The following TMPRSS15 variants were observed in gnomAD, a reference collection of about 807,000 sequenced individuals.
The protein encoded by TMPRSS15 is transmembrane serine protease 15.
In TMPRSS15, 128 loss-of-function variants were observed where a neutral mutation model predicts 125.3. The observed-to-expected ratio is 1.02, with a 90% CI of 0.89 to 1.18. TMPRSS15 has a LOEUF of 1.18. Among genes scored for constraint, TMPRSS15 ranks in the 50% most tolerant of loss-of-function variants. TMPRSS15 has a pLI of 0.00. For missense variants in TMPRSS15, 1,283 were observed against 1,212.7 expected (o/e 1.06, Z -0.86); for synonymous variants, 446 against 423.2 (o/e 1.05, Z -0.66).
chr21:18,286,650 C>T (rs2074768375), intron 21 of TMPRSS15, among the ~76,000 whole-genome samples: 1 of 152,248 alleles, frequency 6.6e-6, no homozygotes, highest in Admixed American at 6.5e-5. Context: ...GCTTCTTCAG[C>T]TATGGTCCTA....
At chr21:18,462,144 A>G (rs2122952975) in intron 1 of TMPRSS15, among the ~76,000 whole-genome samples, 1 of 152,160 alleles carries the variant, frequency 6.6e-6, no homozygotes, top group Non-Finnish European at 1.5e-5. Context: ...ATATTTTGAG[A>G]AGAGACAAAC....
intron 5 of TMPRSS15, among the ~76,000 whole-genome samples, chr21:18,373,732 T>C (rs2075814566): frequency 6.6e-6 from 1 of 152,210 alleles, no homozygotes; most frequent in African/African-American, 2.4e-5. Flanking sequence ...ATGCTTCTCA[T>C]GGGAGCTCCA....
intron 18 of TMPRSS15, among the ~76,000 whole-genome samples, chr21:18,298,623 A>C (rs181821331): frequency 5.9e-5 from 9 of 152,296 alleles, no homozygotes; most frequent in Admixed American, 3.9e-4. Flanking sequence ...TTTAGCTTTT[A>C]ATTCTTAATC....
chr21:18,307,503 G>C (rs2146925993), intron 18 of TMPRSS15, among the ~76,000 whole-genome samples: 1 of 152,164 alleles, frequency 6.6e-6, no homozygotes, highest in African/African-American at 2.4e-5. Flanking sequence ...TGCCTTTATT[G>C]ACTTAAGTTC....
chr21:18,484,731 G>C (rs1192484338), intron 1 of TMPRSS15, among the ~76,000 whole-genome samples: 1 of 151,516 alleles, frequency 6.6e-6, no homozygotes, highest in African/African-American at 2.4e-5. Context: ...ATTATATATG[G>C]GTGAATCTGT....
chr21:18,281,304 AAT>A, intron 21 of TMPRSS15, 83 bp from the exon 22 acceptor site: 3 of 1,147,646 alleles, frequency 2.6e-6, no homozygotes, highest in African/African-American at 1.5e-5. Flanking sequence ...GACATTTCAG[AAT>A]ATGTTTCTAT....
intron 1 of TMPRSS15, among the ~76,000 whole-genome samples, chr21:18,412,698 G>T (rs186034217): frequency 2.0e-5 from 3 of 152,284 alleles, no homozygotes; most frequent in Admixed American, 1.3e-4. Context: ...CTAGAATTAT[G>T]TGTTTGATTA....
upstream of TMPRSS15, among the ~76,000 whole-genome samples, chr21:18,407,454 T>C (rs1176955559): frequency 2.8e-5 from 2 of 72,502 alleles, no homozygotes; most frequent in African/African-American, 9.5e-5. Context: ...TTTTCTTTTT[T>C]TTTTTTTTTT....
chr21:18,444,611 T>C (rs575516362), intron 1 of TMPRSS15, among the ~76,000 whole-genome samples: 174 of 152,262 alleles, frequency 1.1e-3, no homozygotes, highest in Admixed American at 3.8e-3. Context: ...TGTGCACATG[T>C]ACCCTAGAAC....
At chr21:18,332,656 T>G (rs957996407) in intron 13 of TMPRSS15, among the ~76,000 whole-genome samples, 3 of 152,116 alleles carry the variant, frequency 2.0e-5, no homozygotes, top group Admixed American at 2.0e-4. Context: ...GGAATGTAAA[T>G]TAGTTAAACT....
chr21:18,412,187 CTT>C (rs1270021796), intron 1 of TMPRSS15, among the ~76,000 whole-genome samples: 1 of 152,164 alleles, frequency 6.6e-6, no homozygotes, highest in East Asian at 1.9e-4. Flanking sequence ...TACTTTTTAA[CTT>C]TAATAATCCC....
At chr21:18,270,382 A>AAT (rs1227604093) in intron 24 of TMPRSS15, among the ~76,000 whole-genome samples, 20 of 151,988 alleles carry the variant, frequency 1.3e-4, no homozygotes, top group Admixed American at 9.8e-4. Context: ...TCTCCACTTT[A>AAT]ATTAGGCATT....
intron 10 of TMPRSS15, among the ~76,000 whole-genome samples, chr21:18,345,016 A>G (rs750452417): frequency 4.6e-5 from 7 of 152,228 alleles, no homozygotes; most frequent in Non-Finnish European, 8.8e-5. Context: ...TATGAGATGC[A>G]AAGTAAGAAC....
At chr21:18,291,784 G>C (rs74945807) in intron 21 of TMPRSS15, among the ~76,000 whole-genome samples, 1,603 of 152,214 alleles carry the variant, frequency 0.011, 27 homozygotes, top group African/African-American at 0.037. Context: ...AATGCCTAAG[G>C]AGAGTAAAAT....
At chr21:18,419,606 C>T (rs1026079607) in intron 1 of TMPRSS15, among the ~76,000 whole-genome samples, 1 of 152,094 alleles carries the variant, frequency 6.6e-6, no homozygotes, top group Non-Finnish European at 1.5e-5. Context: ...GTGTGTATGT[C>T]CCAAATTGCA....
chr21:18,362,547 G>C (rs1162104426), intron 7 of TMPRSS15, among the ~76,000 whole-genome samples: 1 of 151,652 alleles, frequency 6.6e-6, no homozygotes, highest in Non-Finnish European at 1.5e-5. Flanking sequence ...AAAACCACAG[G>C]GATTTATAAA....
chr21:18,365,692 T>TTCCTTCCTTCCTTCCC (rs2075728178), intron 6 of TMPRSS15, among the ~76,000 whole-genome samples: 1 of 139,990 alleles, frequency 7.1e-6, no homozygotes, highest in Non-Finnish European at 1.5e-5. Context: ...CCTTCCTTCC[T>TTCCTTCCTTCCTTCCC]TCCTTCCTAC....
At chr21:18,283,256 C>T (rs2074722905) in intron 21 of TMPRSS15, among the ~76,000 whole-genome samples, 1 of 152,166 alleles carries the variant, frequency 6.6e-6, no homozygotes, top group Admixed American at 6.5e-5. Flanking sequence ...TTCTCTATCA[C>T]ATGTTAAGTA....
chr21:18,383,060 AT>A (rs2075907715), intron 4 of TMPRSS15, among the ~76,000 whole-genome samples: 1 of 152,178 alleles, frequency 6.6e-6, no homozygotes, highest in Admixed American at 6.6e-5. Context: ...TCAATTAGAA[AT>A]CGGACCTTGC....
Sources: gnomAD v4.1 joint callset for allele counts (sites outside exome capture counted in the v4.1 genomes callset) on GRCh38, gnomAD v4.1.1 for gene constraint, MANE v1.5 for transcripts, NCBI Gene and HGNC (gene_info 2026-07-23, HGNC 2026-07-21) for gene names.